The following DNM3 variants were observed in gnomAD, a reference collection of about 807,000 sequenced individuals.
DNM3 encodes dynamin-3.
Under a neutral mutation model 101.6 loss-of-function variants are expected in DNM3, and 47 were observed. The observed-to-expected ratio is 0.46, with a 90% CI of 0.37 to 0.59. The LOEUF is 0.59. DNM3 is among the 20% of genes least tolerant of loss of function. The probability of loss-of-function intolerance (pLI) is 0.00; values close to 1 mark genes in which losing one functional copy is unlikely to be tolerated. For missense variants in DNM3, 849 were observed against 1,085.7 expected (o/e 0.78, Z 3.06); for synonymous variants, 385 against 387.9 (o/e 0.99, Z 0.09).
chr1:171,921,887 G>A, intron 2 of DNM3, 66 bp downstream of exon 2: 2 of 1,436,726 alleles, frequency 1.4e-6, no homozygotes, highest in South Asian at 1.2e-5. Flanking sequence ...CTTCATAGGT[G>A]TGGGATTGTA....
intron 10 of DNM3, among the ~76,000 whole-genome samples, chr1:172,063,175 C>T (rs889872508): frequency 2.1e-4 from 32 of 152,252 alleles, no homozygotes; most frequent in African/African-American, 5.5e-4. Flanking sequence ...TTTTCTTAGA[C>T]GGTTACCTAA....
chr1:172,009,120 ATAATATATATATT>A (rs1369818264), intron 4 of DNM3, among the ~76,000 whole-genome samples: 1 of 137,648 alleles, frequency 7.3e-6, no homozygotes, highest in African/African-American at 2.7e-5. Flanking sequence ...TATATATCAT[ATAATATATATATT>A]TATATTATAT....
In DNM3 at chr1:172,195,847, C is replaced by T. The variant is rs117211355; in HGVS notation, c.1660-57726C>T. On this transcript the variant is annotated intron_variant, in intron 14 of 20. Coordinates refer to ENST00000627582, the MANE Select transcript of DNM3 (RefSeq NM_015569.5). ...AATATTTTGTTGAGGATTTCTGCATCTATGTTACTAAGTGGATTTTTTTTT... is the reference window on the plus strand; with the variant it reads ...AATATTTTGTTGAGGATTTCTGCATTTATGTTACTAAGTGGATTTTTTTTT... 2.4e-3 allele frequency among the ~76,000 whole-genome samples: 357 copies of T among 151,622 alleles called. 5 individuals are homozygous for T. Among genetic ancestry groups the T allele is most frequent in the Admixed American group, 0.019 (282 of 15,184 alleles).
chr1:172,252,873 TGAAA>T (rs1326509744), intron 14 of DNM3, among the ~76,000 whole-genome samples: 3 of 152,192 alleles, frequency 2.0e-5, no homozygotes, highest in Non-Finnish European at 2.9e-5. Context: ...TTGTTTATTT[TGAAA>T]GAGAGTTTGT....
At chr1:171,862,888 T>C (rs2034326033) in intron 1 of DNM3, among the ~76,000 whole-genome samples, 2 of 151,958 alleles carry the variant, frequency 1.3e-5, no homozygotes, top group Admixed American at 6.6e-5. Flanking sequence ...CTAGAGACTC[T>C]TTAGAACTGA....
In DNM3 at chr1:172,411,341, C is replaced by A; in HGVS notation, c.*3500C>A. ...ATGACAACATGGTAATGTCCATAGACATTTGTATCTGAATCCACAAGAAGA... is the reference window on the plus strand; with the variant it reads ...ATGACAACATGGTAATGTCCATAGAAATTTGTATCTGAATCCACAAGAAGA... On this transcript the variant is annotated 3_prime_UTR_variant, in exon 21 of 21. Coordinates refer to ENST00000627582, the MANE Select transcript of DNM3 (RefSeq NM_015569.5). 1 of 984,912 alleles carries A rather than the reference C, an allele frequency of 1.0e-6. No homozygotes were observed. 61.0% of individuals were successfully genotyped at this position (984,912 alleles called of 1,614,324 possible).
Position 172,119,544 on chromosome 1 carries a change from G to A in DNM3, c.1546-11631G>A, listed in dbSNP as rs141506652. Among the ~76,000 whole-genome samples, 1,101 of 152,052 alleles carry A rather than the reference G, an allele frequency of 7.2e-3. 7 individuals carry two copies. The highest frequency in any genetic ancestry group is 0.014 in the Middle Eastern group (4 of 294). On this transcript the variant is annotated intron_variant, in intron 13 of 20. Coordinates refer to ENST00000627582, the MANE Select transcript of DNM3 (RefSeq NM_015569.5). ...CATCCTCTCCTCCCAGACATTGCAC[G>A]TTGGCTTTCCTCAGCGCTCAGTCCT... is the stretch of plus-strand genomic sequence containing the variant.
intron 4 of DNM3, among the ~76,000 whole-genome samples, chr1:172,008,881 T>A (rs1011619346): frequency 2.8e-4 from 39 of 139,448 alleles, no homozygotes; most frequent in African/African-American, 1.0e-3. Flanking sequence ...AATATTAATA[T>A]ATTATATTAA....
chr1:171,918,251 G>A (rs1571604245), intron 1 of DNM3, among the ~76,000 whole-genome samples: 1 of 152,174 alleles, frequency 6.6e-6, no homozygotes, highest in Non-Finnish European at 1.5e-5. Context: ...TTTTAAAACG[G>A]TTGGCGTTTG....
At chr1:172,365,777 G>A (rs1167230953) in intron 17 of DNM3, among the ~76,000 whole-genome samples, 1 of 151,926 alleles carries the variant, frequency 6.6e-6, no homozygotes, top group Non-Finnish European at 1.5e-5. Flanking sequence ...TCTGTGAGTT[G>A]CACATCCTGT....
intron 1 of DNM3, among the ~76,000 whole-genome samples, chr1:171,889,640 T>C (rs1231587277): frequency 2.0e-5 from 3 of 152,124 alleles, no homozygotes; most frequent in Non-Finnish European, 4.4e-5. Context: ...AAACTGAGAA[T>C]TGGCCAAAGT....
chr1:172,046,669 A>C (rs942446138), intron 9 of DNM3, among the ~76,000 whole-genome samples: 2 of 152,150 alleles, frequency 1.3e-5, no homozygotes, highest in African/African-American at 2.4e-5. Context: ...GAAAACATCT[A>C]TAACCAAATC....
chr1:172,286,351 C>G (rs1187617610), intron 15 of DNM3, among the ~76,000 whole-genome samples: 1 of 152,170 alleles, frequency 6.6e-6, no homozygotes, highest in Non-Finnish European at 1.5e-5. Context: ...GTTCTCTCTG[C>G]TTTCTTCACC....
intron 17 of DNM3, among the ~76,000 whole-genome samples, chr1:172,356,832 T>C (rs1048009341): frequency 4.6e-5 from 7 of 151,984 alleles, no homozygotes; most frequent in African/African-American, 1.7e-4. Flanking sequence ...CCAAGGATCC[T>C]TGGAGAAATT....
At chr1:172,056,171 G>A (rs1019065651) in intron 10 of DNM3, among the ~76,000 whole-genome samples, 4 of 152,180 alleles carry the variant, frequency 2.6e-5, no homozygotes, top group Admixed American at 6.5e-5. Flanking sequence ...ATTATATCCC[G>A]CACCTGGCTC....
rs113508541 is a variant in DNM3 at position 172,379,813 on chromosome 1, A to G, written c.2058+631A>G. Among the ~76,000 whole-genome samples the G allele has an allele frequency of 2.0e-3, 305 of 152,132 alleles. 1 individual carries two copies. The highest frequency in any genetic ancestry group is 7.0e-3 in the African/African-American group (291 of 41,550). On this transcript the variant is annotated intron_variant, in intron 18 of 20. Coordinates refer to ENST00000627582, the MANE Select transcript of DNM3 (RefSeq NM_015569.5). ...CAAGGTTATTTATAGTAGTCAGAGT[A>G]TGATACTTAAATTATGTTTGATTTA...
intron 14 of DNM3, among the ~76,000 whole-genome samples, chr1:172,217,655 A>G (rs2060753161): frequency 6.6e-6 from 1 of 152,128 alleles, no homozygotes; most frequent in South Asian, 2.1e-4. Context: ...CCTGTATCTT[A>G]CAATCTACTA....
At chr1:171,916,137 C>A (rs1198695501) in intron 1 of DNM3, among the ~76,000 whole-genome samples, 2 of 152,160 alleles carry the variant, frequency 1.3e-5, no homozygotes, top group Non-Finnish European at 2.9e-5. Flanking sequence ...ATTTCTTTTA[C>A]AATGTAGAGA....
intron 1 of DNM3, among the ~76,000 whole-genome samples, chr1:171,911,920 G>A (rs1033492786): frequency 4.6e-5 from 7 of 152,090 alleles, no homozygotes; most frequent in African/African-American, 9.7e-5. Flanking sequence ...TATGGGCTTC[G>A]TGGAGAGGGG....
Sources: allele counts gnomAD v4.1 joint callset (sites outside exome capture counted in the v4.1 genomes callset), GRCh38; gene constraint gnomAD v4.1.1; transcripts MANE v1.5; gene names NCBI Gene and HGNC (gene_info 2026-07-23, HGNC 2026-07-21).